Variants in FSTL5 observed in about 807,000 individuals in gnomAD.
The protein encoded by FSTL5 is follistatin like 5, also known as follistatin-related protein 5.
In FSTL5, 62 loss-of-function variants were observed where a neutral mutation model predicts 89.1. That is an observed-to-expected ratio of 0.70 (90% CI 0.57 to 0.86). The LOEUF (loss-of-function observed/expected upper bound fraction) is 0.86. Among genes scored for constraint, FSTL5 ranks in the 40% least tolerant of loss-of-function variants. FSTL5 has a pLI of 0.00. For missense variants in FSTL5, 1,057 were observed against 1,001.6 expected (o/e 1.06, Z -0.75); for synonymous variants, 383 against 346.2 (o/e 1.11, Z -1.18).
chr4:161,538,078 T>A (rs1731690604), intron 10 of FSTL5, 88 bp downstream of exon 10: 1 of 1,301,298 alleles, frequency 7.7e-7, no homozygotes, highest in African/African-American at 1.5e-5. Flanking sequence ...CAATTCACAG[T>A]TTTCTGGTGC....
At chr4:161,747,465 A>G (rs1740239912) in intron 6 of FSTL5, among the ~76,000 whole-genome samples, 1 of 152,202 alleles carries the variant, frequency 6.6e-6, no homozygotes, top group African/African-American at 2.4e-5. Flanking sequence ...TGTTATTATC[A>G]TTAATGCTAA....
Position 161,484,296 on chromosome 4 carries a change from C to A in FSTL5, c.1459-3127G>T, listed in dbSNP as rs555929307. ...GCATCATTCCTAAAGACAGATATTT[C>A]TCACAAACATGTCTATTCTCCTTGC... On this transcript the variant is annotated intron_variant, in intron 12 of 15. Transcript: ENST00000306100. Among the ~76,000 whole-genome samples, 10 of 152,250 alleles carry A rather than the reference C, an allele frequency of 6.6e-5. No individual in the cohort carries two copies. The East Asian group carries it at 1.5e-3, about 24-fold the overall frequency.
rs1305864544 is a variant in FSTL5 at position 162,089,557 on chromosome 4, C to G, written c.126+21714G>C. Among the ~76,000 whole-genome samples, 5 of 149,020 alleles carry G rather than the reference C, an allele frequency of 3.4e-5. No homozygotes were observed. In the East Asian group the frequency reaches 1.0e-3, roughly 30 times the overall value. ...GTAAGGCAGGAGAATCACCTGAACC[C>G]TGGAGGCGGAGGTTGCAGTGAGCCG... On this transcript the variant is annotated intron_variant, in intron 2 of 15. Transcript: ENST00000306100.
At chr4:161,591,860 G>A (rs1184552396) in intron 7 of FSTL5, among the ~76,000 whole-genome samples, 1 of 152,178 alleles carries the variant, frequency 6.6e-6, no homozygotes, top group African/African-American at 2.4e-5. Flanking sequence ...TAGCTGGGGA[G>A]GCTAAGATGT....
chr4:161,490,503 C>T (rs1000094568), intron 12 of FSTL5, among the ~76,000 whole-genome samples: 3 of 152,106 alleles, frequency 2.0e-5, no homozygotes, highest in African/African-American at 7.2e-5. Flanking sequence ...GGATTATCCA[C>T]ATTTGATTCA....
intron 12 of FSTL5, among the ~76,000 whole-genome samples, chr4:161,492,444 T>C (rs1033363261): frequency 1.3e-5 from 2 of 152,192 alleles, no homozygotes; most frequent in East Asian, 1.9e-4. Flanking sequence ...TTATTAACTT[T>C]TAGTATAACT....
intron 2 of FSTL5, among the ~76,000 whole-genome samples, chr4:162,094,517 A>G (rs1730672516): frequency 6.6e-6 from 1 of 152,158 alleles, no homozygotes; most frequent in Non-Finnish European, 1.5e-5. Flanking sequence ...ATTTTGTATA[A>G]TGGGCCACTG....
At chr4:162,138,311 AT>A (rs1732594313) in intron 1 of FSTL5, among the ~76,000 whole-genome samples, 1 of 151,878 alleles carries the variant, frequency 6.6e-6, no homozygotes, top group South Asian at 2.1e-4. Context: ...AATTAGCTGA[AT>A]TAATTAGTTT....
intron 3 of FSTL5, among the ~76,000 whole-genome samples, chr4:162,016,972 G>A (rs1736933045): frequency 6.6e-6 from 1 of 152,126 alleles, no homozygotes; most frequent in South Asian, 2.1e-4. Flanking sequence ...TCCTACAACT[G>A]TCCTGATAAA....
intron 4 of FSTL5, among the ~76,000 whole-genome samples, chr4:161,903,688 G>A (rs1461101193): frequency 6.6e-6 from 1 of 151,880 alleles, no homozygotes; most frequent in African/African-American, 2.4e-5. Flanking sequence ...TTTAATTGAG[G>A]CCCATGGAGC....
At chr4:161,636,721 T>C (rs972760844) in intron 7 of FSTL5, among the ~76,000 whole-genome samples, 4 of 148,942 alleles carry the variant, frequency 2.7e-5, no homozygotes, top group Admixed American at 6.7e-5. Context: ...TGTTTGGTTT[T>C]TTGTTCCTGC....
intron 10 of FSTL5, among the ~76,000 whole-genome samples, chr4:161,518,770 G>A (rs780072659): frequency 2.6e-5 from 4 of 152,156 alleles, no homozygotes; most frequent in Non-Finnish European, 4.4e-5. Flanking sequence ...ATGTCATAGC[G>A]TGTAACAAAC....
chr4:162,030,076 A>G (rs1338901226), intron 3 of FSTL5, among the ~76,000 whole-genome samples: 1 of 151,638 alleles, frequency 6.6e-6, no homozygotes, highest in Non-Finnish European at 1.5e-5. Flanking sequence ...TTTTTTATTT[A>G]TTTATTTATT....
At chr4:161,776,101 A>C (rs1741403172) in intron 4 of FSTL5, 27 bp from the exon 5 acceptor site, 2 of 1,156,428 alleles carry the variant, frequency 1.7e-6, no homozygotes, top group African/African-American at 1.6e-5. Flanking sequence ...AGTTATTTTC[A>C]AGCAATATTA....
chr4:162,070,515 G>T (rs1729570623), intron 2 of FSTL5, among the ~76,000 whole-genome samples: 2 of 151,718 alleles, frequency 1.3e-5, no homozygotes, highest in African/African-American at 2.4e-5. Flanking sequence ...TTCATTTTGA[G>T]TTGATTTTTG....
chr4:161,695,229 C>T (rs889074171), intron 6 of FSTL5, among the ~76,000 whole-genome samples: 1 of 151,994 alleles, frequency 6.6e-6, no homozygotes, highest in African/African-American at 2.4e-5. Context: ...TCCCCCGAGT[C>T]CCCAAAGTCC....
intron 7 of FSTL5, among the ~76,000 whole-genome samples, chr4:161,629,255 C>A (rs1735417219): frequency 6.6e-6 from 1 of 152,100 alleles, no homozygotes; most frequent in Non-Finnish European, 1.5e-5. Flanking sequence ...TTCCAAGTTA[C>A]AATGAACATT....
At chr4:161,757,381 C>G (rs1020209350) in intron 6 of FSTL5, among the ~76,000 whole-genome samples, 1 of 151,968 alleles carries the variant, frequency 6.6e-6, no homozygotes, top group African/African-American at 2.4e-5. Flanking sequence ...CACACACACA[C>G]ACACACATTA....
intron 4 of FSTL5, among the ~76,000 whole-genome samples, chr4:161,898,815 G>A (rs1272230994): frequency 6.6e-6 from 1 of 151,818 alleles, no homozygotes; most frequent in Admixed American, 6.6e-5. Flanking sequence ...ATTTTTAGTA[G>A]AGACGGGGTT....
Sources: gnomAD v4.1 joint callset for allele counts (sites outside exome capture counted in the v4.1 genomes callset) on GRCh38, gnomAD v4.1.1 for gene constraint, MANE v1.5 for transcripts, NCBI Gene and HGNC (gene_info 2026-07-23, HGNC 2026-07-21) for gene names.